The following PREP variants were observed in gnomAD, a reference collection of about 807,000 sequenced individuals.
PREP encodes the protein prolyl endopeptidase, also known as dJ355L5.1 (prolyl endopeptidase).
Under a neutral mutation model 87.6 loss-of-function variants are expected in PREP, and 29 were observed. The ratio of observed to expected loss-of-function variants is 0.33; its 90% confidence interval spans 0.25 to 0.45. The LOEUF (loss-of-function observed/expected upper bound fraction) is 0.45, where lower values mean the gene tolerates loss of function less well. PREP is among the 20% of genes least tolerant of loss of function. The probability of loss-of-function intolerance (pLI) is 1.00; values close to 1 mark genes in which losing one functional copy is unlikely to be tolerated. For missense variants in PREP, 695 were observed against 886.5 expected (o/e 0.78, Z 2.74); for synonymous variants, 337 against 328.6 (o/e 1.03, Z -0.28).
intron 6 of PREP, among the ~76,000 whole-genome samples, chr6:105,354,236 A>T (rs573639388): frequency 6.6e-6 from 1 of 152,330 alleles, no homozygotes; most frequent in Admixed American, 6.5e-5. Context: ...TTACTATTAC[A>T]TACTTCTTTA....
chr6:105,323,884 G>T, intron 9 of PREP, 116 bp from the exon 10 acceptor site: 1 of 885,778 alleles, frequency 1.1e-6, no homozygotes, highest in Non-Finnish European at 1.8e-6. Context: ...ATTTATCAGG[G>T]ACTTGGTTAA....
At chr6:105,285,458 T>C (rs1484907789) in intron 12 of PREP, 28 bp downstream of exon 12, 2 of 1,579,450 alleles carry the variant, frequency 1.3e-6, no homozygotes, top group African/African-American at 2.7e-5. Context: ...TATGTCAGAC[T>C]TGTGTTTCTG....
chr6:105,367,773 A>G (rs1248446994), intron 6 of PREP, among the ~76,000 whole-genome samples: 1 of 152,172 alleles, frequency 6.6e-6, no homozygotes, highest in Non-Finnish European at 1.5e-5. Context: ...AACTTTTTCT[A>G]TAAAGGTCTA....
intron 1 of PREP, among the ~76,000 whole-genome samples, chr6:105,401,788 T>C (rs972679918): frequency 2.0e-5 from 3 of 152,236 alleles, no homozygotes; most frequent in African/African-American, 2.4e-5. Context: ...GTATGTCCTT[T>C]ACTCCGAAGC....
chr6:105,321,201 C>T (rs1228243597), intron 10 of PREP, among the ~76,000 whole-genome samples: 1 of 152,176 alleles, frequency 6.6e-6, no homozygotes, highest in Non-Finnish European at 1.5e-5. Context: ...TGTTTATGGG[C>T]AAAGTTGCAT....
intron 2 of PREP, among the ~76,000 whole-genome samples, chr6:105,379,244 T>C (rs1193662612): frequency 6.6e-6 from 1 of 152,208 alleles, no homozygotes; most frequent in Non-Finnish European, 1.5e-5. Flanking sequence ...GAATGGTTTT[T>C]GTATTTTCAA....
At chr6:105,384,104 A>T (rs1433759574) in intron 2 of PREP, among the ~76,000 whole-genome samples, 1 of 152,174 alleles carries the variant, frequency 6.6e-6, no homozygotes, top group East Asian at 1.9e-4. Context: ...GTGCCATATG[A>T]AGTCCCACTG....
chr6:105,344,473 T>A (rs145187731), intron 7 of PREP, among the ~76,000 whole-genome samples: 1 of 143,438 alleles, frequency 7.0e-6, no homozygotes, highest in Non-Finnish European at 1.5e-5. Flanking sequence ...GCCTGGGAGA[T>A]AGAGTGAGAC....
intron 12 of PREP, among the ~76,000 whole-genome samples, chr6:105,283,916 C>T (rs1770132785): frequency 6.6e-6 from 1 of 152,112 alleles, no homozygotes; most frequent in South Asian, 2.1e-4. Context: ...ATCTGATGAC[C>T]AGAGGGGTTT....
chr6:105,322,135 T>C (rs1473535581), intron 10 of PREP: 2 of 247,244 alleles, frequency 8.1e-6, no homozygotes, highest in Non-Finnish European at 1.3e-5. Context: ...TGTTAGAAAA[T>C]TGGTATAGGA....
chr6:105,388,639 T>C (rs148000026), intron 2 of PREP, among the ~76,000 whole-genome samples: 3 of 152,358 alleles, frequency 2.0e-5, no homozygotes, highest in African/African-American at 7.2e-5. Flanking sequence ...GAAGTATGTT[T>C]ACAAACTGTA....
Position 105,278,738 on chromosome 6 carries a change from T to C in PREP, c.1839-300A>G, listed in dbSNP as rs1431051109. ...TCTCTTAAGGTGAGTAGTTTCATAT[T>C]CTCTAGGCTTTTTTTTTACTGCTAC... is the stretch of plus-strand genomic sequence containing the variant. On this transcript the variant is annotated intron_variant, in intron 14 of 14. Coordinates refer to ENST00000652536, the MANE Select transcript of PREP (RefSeq NM_002726.5). The surrounding 1 kb of genome is among the most constrained non-coding windows in gnomAD (Gnocchi z 4.2). Among the ~76,000 whole-genome samples the C allele has an allele frequency of 6.6e-6, 1 of 151,984 alleles. No homozygotes were observed. Among genetic ancestry groups the C allele is most frequent in the African/African-American group, 2.4e-5 (1 of 41,456 alleles).
intron 10 of PREP, among the ~76,000 whole-genome samples, chr6:105,319,582 C>A (rs141529902): frequency 6.6e-6 from 1 of 152,206 alleles, no homozygotes; most frequent in East Asian, 1.9e-4. Flanking sequence ...AGGCAACCAT[C>A]GCACAGGGTA....
intron 1 of PREP, among the ~76,000 whole-genome samples, chr6:105,400,871 G>T (rs755105111): frequency 6.6e-6 from 1 of 152,206 alleles, no homozygotes; most frequent in Non-Finnish European, 1.5e-5. Context: ...ATGCCCAGCT[G>T]ATGCTGGGGA....
chr6:105,303,989 C>G (rs982991831), intron 10 of PREP, among the ~76,000 whole-genome samples: 1 of 152,168 alleles, frequency 6.6e-6, no homozygotes, highest in African/African-American at 2.4e-5. Context: ...AACAAGCAAG[C>G]ACTAGTCTAA....
chr6:105,275,961 G>T lies in PREP; in HGVS notation c.*2183C>A, dbSNP rs772274102. ...AGAAGACCTAGTGTTAGATCAGTAG[G>T]GTGTCTATAGTTTACAATAATCTAC... On this transcript the variant is annotated 3_prime_UTR_variant, in exon 15 of 15. Coordinates refer to ENST00000652536, the MANE Select transcript of PREP (RefSeq NM_002726.5). Among the ~76,000 whole-genome samples the T allele has an allele frequency of 6.6e-6, 1 of 152,146 alleles. No homozygotes were observed. The highest frequency in any genetic ancestry group is 1.5e-5 in the Non-Finnish European group (1 of 68,034).
intron 3 of PREP, 148 bp from the exon 4 acceptor site, chr6:105,376,403 G>A (rs1772688466): frequency 2.4e-6 from 2 of 821,484 alleles, no homozygotes; most frequent in South Asian, 2.0e-5. Context: ...GGGGACATGG[G>A]TGAAAGGTTC....
Position 105,328,813 on chromosome 6 carries a change from G to C in PREP, c.1213+16C>G, listed in dbSNP as rs760245345. On this transcript the variant is annotated intron_variant, in intron 9 of 14. Coordinates refer to ENST00000652536, the MANE Select transcript of PREP (RefSeq NM_002726.5). Reference sequence around the variant, plus strand: ...CGGATTTTTAAAGTGAACAGCAACAGTGAAAAAACACTTACCTGGAGATAA... The same window carrying C: ...CGGATTTTTAAAGTGAACAGCAACACTGAAAAAACACTTACCTGGAGATAA... The C allele has an allele frequency of 2.4e-5, 38 of 1,612,388 alleles. No homozygotes were observed. In the African/African-American group the frequency reaches 4.9e-4, roughly 21 times the overall value.
In PREP at chr6:105,333,356, T is replaced by TA. The variant is rs767652942; in HGVS notation, c.972dup (p.Lys325Ter). On this transcript the variant is annotated frameshift_variant, in exon 8 of 15. Coordinates refer to ENST00000652536, the MANE Select transcript of PREP (RefSeq NM_002726.5). LOFTEE classifies it high-confidence loss of function. ...TGCTCAGGAACAAGTACTTTCCACT[T>TA]AGACTCTTCAGGATCCCTGAAGTCA... 1.2e-6 allele frequency: 2 copies of TA among 1,614,162 alleles called. No individual in the cohort carries two copies. Among genetic ancestry groups the TA allele is most frequent in the South Asian group, 1.1e-5 (1 of 91,076 alleles).
Sources: allele counts gnomAD v4.1 joint callset (sites outside exome capture counted in the v4.1 genomes callset), GRCh38; gene constraint gnomAD v4.1.1; non-coding constraint Gnocchi (gnomAD v3.1); transcripts MANE v1.5; gene names NCBI Gene and HGNC (gene_info 2026-07-23, HGNC 2026-07-21).